The following ERLIN2 variants were observed in gnomAD, a reference collection of about 807,000 sequenced individuals.
ERLIN2 encodes erlin-2.
ERLIN2 carries 22 observed loss-of-function variants against 41.5 expected under a neutral mutation model. The ratio of observed to expected loss-of-function variants is 0.53; its 90% CI spans 0.38 to 0.76. The LOEUF (loss-of-function observed/expected upper bound fraction) is 0.76, where lower values mean the gene tolerates loss of function less well. ERLIN2 is among the 30% of genes least tolerant of loss of function. ERLIN2 has a pLI of 0.00. For missense variants in ERLIN2, 247 were observed against 414.3 expected (o/e 0.60, Z 3.51); for synonymous variants, 149 against 150.9 (o/e 0.99, Z 0.09).
chr8:37,750,426 G>C lies in ERLIN2; in HGVS notation c.589G>C (p.Ala197Pro). 1 of 1,613,676 alleles carries C rather than the reference G, an allele frequency of 6.2e-7. No individual in the cohort carries two copies. The highest frequency in any genetic ancestry group is 8.5e-7 in the Non-Finnish European group (1 of 1,179,934). Residue 197 changes from alanine to proline, a missense_variant, in exon 9 of 12, where the codon GCC becomes CCC. Coordinates refer to ENST00000519638, the MANE Select transcript of ERLIN2 (RefSeq NM_007175.8). Reference protein sequence around the residue: ...ESEKTKLLIAAQKQKVVEKEA... With the variant: ...ESEKTKLLIAPQKQKVVEKEA... ...TGAGAAGACAAAGCTTCTCATTGCCGCCCAGAAACAGAAGGTGGTGGAAAA... is the reference window on the plus strand; with the variant it reads ...TGAGAAGACAAAGCTTCTCATTGCCCCCCAGAAACAGAAGGTGGTGGAAAA...
Position 37,747,458 on chromosome 8 carries a change from T to C in ERLIN2, c.425-2101T>C, listed in dbSNP as rs1375378222. On this transcript the variant is annotated intron_variant, in intron 6 of 11. Transcript: ENST00000519638. ...CGCTCCAGCTGTTTTTCAATCACTT[T>C]GGCATTCTGTGCATACGAGTCAGCA... 4 of 1,611,794 alleles carry C rather than the reference T, an allele frequency of 2.5e-6. No individual in the cohort carries two copies. In the African/African-American group the frequency reaches 4.0e-5, roughly 16 times the overall value.
chr8:37,742,179 T>C (rs1457122597), intron 4 of ERLIN2, among the ~76,000 whole-genome samples: 2 of 151,512 alleles, frequency 1.3e-5, no homozygotes, highest in Non-Finnish European at 2.9e-5. Context: ...CCGTCTCTAC[T>C]AAAATACAAA....
chr8:37,747,370 A>C, intron 6 of ERLIN2: 21 of 1,418,742 alleles, frequency 1.5e-5, no homozygotes, highest in Non-Finnish European at 1.8e-5. Context: ...GGTCCCCTTC[A>C]TTTTCACTTT....
intron 6 of ERLIN2, chr8:37,746,552 C>A (rs1176617234): frequency 6.2e-6 from 6 of 960,852 alleles, no homozygotes; most frequent in Non-Finnish European, 7.4e-6. Context: ...CACAACAGAT[C>A]ATTTTGTTTA....
At chr8:37,751,512 C>T (rs1803217108) in intron 9 of ERLIN2, 114 bp from the exon 10 acceptor site, 1 of 817,440 alleles carries the variant, frequency 1.2e-6, no homozygotes, top group Middle Eastern at 2.3e-4. Flanking sequence ...TCACAGCTGC[C>T]CTCTGGGGGC....
intron 1 of ERLIN2, 91 bp from the exon 2 acceptor site, chr8:37,737,817 C>T: frequency 6.7e-7 from 1 of 1,502,816 alleles, no homozygotes; most frequent in Non-Finnish European, 9.2e-7. Flanking sequence ...GAGTCACTCG[C>T]AGGGAGCTCA....
chr8:37,753,983 C>T lies in ERLIN2; in HGVS notation c.888C>T (p.Tyr296=). 1 of 1,613,638 alleles carries T rather than the reference C, an allele frequency of 6.2e-7. No individual in the cohort carries two copies. Among genetic ancestry groups the T allele is most frequent in the Non-Finnish European group, 8.5e-7 (1 of 1,179,844 alleles). The change falls in exon 12 of 12, where the codon TAC becomes TAT. Residue 296 remains tyrosine, a synonymous_variant. Transcript: ENST00000519638. The stretch of plus-strand genomic sequence containing the variant: ...CCATTGCTTCCAACAGCAAGATTTA[C>T]TTTGGCAAAGACATTCCTAACATGT... The part of the protein sequence containing the change: ...YKAIASNSKI[Y]FGKDIPNMFM...
rs146798416 is a variant in ERLIN2 at position 37,743,517 on chromosome 8, AT to A, written c.237-836del. Among the ~76,000 whole-genome samples the A allele has an allele frequency of 8.6e-3, 1,309 of 152,282 alleles. 18 individuals carry two copies. Among genetic ancestry groups the A allele is most frequent in the African/African-American group, 0.03 (1,256 of 41,554 alleles). ...CACCCTTATGACCTGTTTAACCTTA[AT>A]TACCTTCTTAAAGGTCTAATCTCCA... On this transcript the variant is annotated intron_variant, in intron 4 of 11. Coordinates refer to ENST00000519638, the MANE Select transcript of ERLIN2 (RefSeq NM_007175.8).
rs1219556389 is a variant in ERLIN2 at position 37,757,610 on chromosome 8, CAT to C, written c.*3496_*3497del. 3.3e-5 allele frequency: 5 copies of C among 152,148 alleles called. No individual in the cohort carries two copies. Among genetic ancestry groups the C allele is most frequent in the Non-Finnish European group, 5.9e-5 (4 of 68,012 alleles). 9.4% of individuals were successfully genotyped at this position (152,148 alleles called of 1,614,324 possible). A position where few individuals can be genotyped will look rare whatever the true frequency, so the allele number is the denominator to read the frequency against. On this transcript the variant is annotated 3_prime_UTR_variant, in exon 12 of 12. Transcript: ENST00000519638. ...GAGGAATTGTTTTGGACAATACTAACATGTGAATTTATGTCTTAGTTTTATTT... is the reference window on the plus strand; with the variant it reads ...GAGGAATTGTTTTGGACAATACTAACGTGAATTTATGTCTTAGTTTTATTT...
Position 37,741,937 on chromosome 8 carries a change from G to A in ERLIN2, c.236+119G>A, listed in dbSNP as rs1035584111. On this transcript the variant is annotated intron_variant, in intron 4 of 11. Transcript: ENST00000519638. The surrounding 1 kb of genome is among the most constrained non-coding windows in gnomAD (Gnocchi z 4.8). Reference sequence around the variant, plus strand: ...CCTTTCTTGGTTAATTCCCTGTCTCGTAGCTCCCTATATTGATTTGACCAG... The same window carrying A: ...CCTTTCTTGGTTAATTCCCTGTCTCATAGCTCCCTATATTGATTTGACCAG... 3.9e-5 allele frequency: 30 copies of A among 762,382 alleles called. No homozygotes were observed. The highest frequency in any genetic ancestry group is 7.8e-5 in the East Asian group (3 of 38,588). The allele number at this position is 762,382 out of a possible 1,614,324, so 47.2% of individuals were successfully genotyped here.
rs541863204 is a variant in ERLIN2 at position 37,747,848 on chromosome 8, G to A, written c.425-1711G>A. ...GCATCAATCACACGGGACCGGTCCCGGGGCCTCATGGGCAATTTCTCTAAC... is the reference window on the plus strand; with the variant it reads ...GCATCAATCACACGGGACCGGTCCCAGGGCCTCATGGGCAATTTCTCTAAC... On this transcript the variant is annotated intron_variant, in intron 6 of 11. Coordinates refer to ENST00000519638, the MANE Select transcript of ERLIN2 (RefSeq NM_007175.8). 4.3e-6 allele frequency: 7 copies of A among 1,614,104 alleles called. No individual in the cohort carries two copies. In the Admixed American group the frequency reaches 5.0e-5, roughly 12 times the overall value.
intron 9 of ERLIN2, 124 bp downstream of exon 9, chr8:37,750,610 T>G: frequency 1.3e-6 from 1 of 799,222 alleles, no homozygotes; most frequent in Non-Finnish European, 2.2e-6. Context: ...AGCACAGGAG[T>G]GGCAGGTGGA....
intron 6 of ERLIN2, chr8:37,746,379 T>C (rs1048040128): frequency 1.0e-6 from 1 of 985,202 alleles, no homozygotes; most frequent in African/African-American, 1.7e-5. Context: ...GTGTACTTAG[T>C]AATACAACTT....
rs1182132899 is a variant in ERLIN2, at chr8:37,756,497, A to T, written c.*2382A>T. 6.6e-6 allele frequency: 1 copy of T among 152,666 alleles called. No individual in the cohort carries two copies. Among genetic ancestry groups the T allele is most frequent in the Non-Finnish European group, 1.5e-5 (1 of 68,070 alleles). 9.5% of individuals were successfully genotyped at this position (152,666 alleles called of 1,614,324 possible). A position where few individuals can be genotyped will look rare whatever the true frequency, so the allele number is the denominator to read the frequency against. On this transcript the variant is annotated 3_prime_UTR_variant, in exon 12 of 12. Transcript: ENST00000519638. The stretch of plus-strand genomic sequence containing the variant: ...CTGCGATAGCTTGTCCCATGAGCAC[A>T]GAAGAGCCTCAGTAGAGTCAAGTCC...
chr8:37,745,472 A>G (rs1803010672), intron 6 of ERLIN2: 5 of 1,184,144 alleles, frequency 4.2e-6, no homozygotes, highest in Non-Finnish European at 6.3e-6. Context: ...GTTTGCAGTC[A>G]AGTATTCTGT....
rs375773479 is a variant in ERLIN2 at position 37,738,117 on chromosome 8, A to G, written c.107+88A>G. The G allele has an allele frequency of 3.2e-5, 48 of 1,477,276 alleles. No homozygotes were observed. The African/African-American group carries it at 5.1e-4, about 16-fold the overall frequency. 91.5% of individuals were successfully genotyped at this position (1,477,276 alleles called of 1,614,324 possible). A position where few individuals can be genotyped will look rare whatever the true frequency, so the allele number is the denominator to read the frequency against. ...GCTTTCCTAGCAGATTCTGCTGAACATCTCTATTTATATTTCCTTGAATAG... is the reference window on the plus strand; with the variant it reads ...GCTTTCCTAGCAGATTCTGCTGAACGTCTCTATTTATATTTCCTTGAATAG... On this transcript the variant is annotated intron_variant, in intron 2 of 11. Transcript: ENST00000519638.
chr8:37,747,759 AGG>A (rs1803103098), intron 6 of ERLIN2: 2 of 1,604,802 alleles, frequency 1.2e-6, no homozygotes, highest in Non-Finnish European at 1.7e-6. Context: ...CAATGCCTTC[AGG>A]TCTCCGCAGA....
In ERLIN2 at chr8:37,744,443, A is replaced by G. The variant is rs775637058; in HGVS notation, c.298+27A>G. The G allele has an allele frequency of 1.7e-5, 28 of 1,612,206 alleles. 1 individual carries two copies. The East Asian group carries it at 3.1e-4, about 18-fold the overall frequency. On this transcript the variant is annotated intron_variant, in intron 5 of 11. Transcript: ENST00000519638. ...TACGTCTTAACAGTTTATTCCCACC[A>G]CCAGCTCACTTTCCCCAGCATGCCA...
At position 37,741,691 on chromosome 8, in the gene ERLIN2, A is replaced by T; in HGVS notation, c.190-81A>T. ...GCTCAACCCAAACAGTTATTCCAGG[A>T]CAAAGGCATTTAGGATTCTGAAAAG... On this transcript the variant is annotated intron_variant, in intron 3 of 11. Coordinates refer to ENST00000519638, the MANE Select transcript of ERLIN2 (RefSeq NM_007175.8). This position sits in a 1 kb window ranked among gnomAD's most constrained non-coding sequence, Gnocchi z 4.8. 9.5e-7 allele frequency: 1 copy of T among 1,048,896 alleles called. No individual in the cohort carries two copies. The highest frequency in any genetic ancestry group is 1.5e-6 in the Non-Finnish European group (1 of 664,456). 65.0% of individuals were successfully genotyped at this position (1,048,896 alleles called of 1,614,324 possible). A position where few individuals can be genotyped will look rare whatever the true frequency, so the allele number is the denominator to read the frequency against.
Sources: allele counts gnomAD v4.1 joint callset (sites outside exome capture counted in the v4.1 genomes callset), GRCh38; gene constraint gnomAD v4.1.1; non-coding constraint Gnocchi (gnomAD v3.1); transcripts MANE v1.5; gene names NCBI Gene and HGNC (gene_info 2026-07-23, HGNC 2026-07-21).